TRPM3: variants seen among roughly 807,000 people sequenced by gnomAD.
The protein encoded by TRPM3 is transient receptor potential cation channel subfamily M member 3.
Under a neutral mutation model 181.2 loss-of-function variants are expected in TRPM3, and 77 were observed. That is an observed-to-expected ratio of 0.42 (90% confidence interval 0.35 to 0.51). The LOEUF (loss-of-function observed/expected upper bound fraction) is 0.51, where lower values mean the gene tolerates loss of function less well. Ranked by LOEUF, TRPM3 falls within the 20% of genes least tolerant of loss-of-function variation. TRPM3 has a pLI of 0.01. For synonymous variants in TRPM3, 745 were observed against 796.4 expected (o/e 0.94, Z 1.09); for missense variants, 1,759 against 2,196.7 (o/e 0.80, Z 3.98).
intron 1 of TRPM3, among the ~76,000 whole-genome samples, chr9:70,895,354 T>C (rs1023142029): frequency 6.6e-6 from 1 of 152,236 alleles, no homozygotes; most frequent in Non-Finnish European, 1.5e-5. Flanking sequence ...CTCTGGAAGA[T>C]AGCTTACACT....
intron 9 of TRPM3, among the ~76,000 whole-genome samples, chr9:70,644,817 T>G (rs113745703): frequency 1.3e-5 from 2 of 152,338 alleles, no homozygotes; most frequent in African/African-American, 4.8e-5. Context: ...CCCCATTGTT[T>G]CAGCCTCAAA....
intron 6 of TRPM3, among the ~76,000 whole-genome samples, 187 bp from the exon 7 acceptor site, chr9:70,784,466 C>A (rs2083147878): frequency 6.6e-6 from 1 of 152,054 alleles, no homozygotes; most frequent in South Asian, 2.1e-4. Flanking sequence ...ATTTTCCCAC[C>A]AGAAAGTCTA....
intron 1 of TRPM3, among the ~76,000 whole-genome samples, chr9:71,011,781 T>G (rs1564968185): frequency 3.0e-5 from 4 of 131,240 alleles, no homozygotes; most frequent in Admixed American, 7.9e-5. Flanking sequence ...TTTTTTTTTT[T>G]GTTTTTTTGT....
chr9:71,390,153 G>A (rs2093028647), intron 1 of TRPM3, among the ~76,000 whole-genome samples: 1 of 151,950 alleles, frequency 6.6e-6, no homozygotes, highest in African/African-American at 2.4e-5. Flanking sequence ...AGGTATCCAT[G>A]GACATCCACA....
At chr9:71,267,569 T>A (rs539119461) in intron 1 of TRPM3, among the ~76,000 whole-genome samples, 8 of 103,066 alleles carry the variant, frequency 7.8e-5, no homozygotes, top group Admixed American at 7.3e-4. Flanking sequence ...ACTCAGACTC[T>A]ACTTATCTCT....
intron 22 of TRPM3, among the ~76,000 whole-genome samples, chr9:70,588,521 T>A (rs556575618): frequency 1.7e-4 from 25 of 150,794 alleles, no homozygotes; most frequent in Non-Finnish European, 3.1e-4. Flanking sequence ...AATGAGTCAC[T>A]CTGCGAAGGT....
chr9:71,435,391 T>C (rs570576597), intron 1 of TRPM3, among the ~76,000 whole-genome samples: 2 of 152,202 alleles, frequency 1.3e-5, no homozygotes, highest in Admixed American at 1.3e-4. Context: ...CTTTATCTTG[T>C]AGGGAGTGGG....
intron 8 of TRPM3, among the ~76,000 whole-genome samples, chr9:70,753,496 A>C (rs993925462): frequency 1.3e-5 from 2 of 152,182 alleles, no homozygotes; most frequent in African/African-American, 4.8e-5. Context: ...CAGCTTTGGG[A>C]GTGGTACGAG....
At chr9:71,426,676 AT>A (rs1310974562) in intron 1 of TRPM3, among the ~76,000 whole-genome samples, 1 of 152,180 alleles carries the variant, frequency 6.6e-6, no homozygotes, top group East Asian at 1.9e-4. Flanking sequence ...GACCCCATAA[AT>A]TATACAGATG....
chr9:71,216,937 C>CTTTTTT lies in TRPM3; in HGVS notation c.183+229710_183+229715dup, dbSNP rs10536771. ...GCACAAGCATAGTCAGTGGCCCTTT[C>CTTTTTT]TTTTTTTTTTTTTTTTTTTTTTTTT... On this transcript the variant is annotated intron_variant, in intron 1 of 24. Transcript: ENST00000357533. Among the ~76,000 whole-genome samples, 307 of 73,002 alleles carry CTTTTTT rather than the reference C, an allele frequency of 4.2e-3. 16 individuals carry two copies. The highest frequency in any genetic ancestry group is 0.013 in the African/African-American group (228 of 17,346). 47.9% of individuals were successfully genotyped at this position (73,002 alleles called of 152,430 possible).
intron 25 of TRPM3, among the ~76,000 whole-genome samples, chr9:70,537,941 A>T (rs1339297775): frequency 6.6e-6 from 1 of 152,136 alleles, no homozygotes; most frequent in Non-Finnish European, 1.5e-5. Flanking sequence ...TATTCCATGG[A>T]TGGGGGTTAT....
intron 1 of TRPM3, among the ~76,000 whole-genome samples, chr9:71,179,500 T>C (rs1202136126): frequency 6.6e-6 from 1 of 152,140 alleles, no homozygotes; most frequent in Admixed American, 6.6e-5. Flanking sequence ...ATGCATACTA[T>C]GTAAAATAAA....
intron 1 of TRPM3, among the ~76,000 whole-genome samples, chr9:71,010,513 A>C (rs900558816): frequency 6.6e-6 from 1 of 152,126 alleles, no homozygotes; most frequent in Non-Finnish European, 1.5e-5. Context: ...GGTACATGAA[A>C]ACAAATGCTC....
chr9:71,195,241 A>G (rs1284733382), intron 1 of TRPM3, among the ~76,000 whole-genome samples: 1 of 152,088 alleles, frequency 6.6e-6, no homozygotes, highest in Non-Finnish European at 1.5e-5. Flanking sequence ...ATGGGAGAAC[A>G]TTTTTGCAAA....
chr9:71,338,148 G>C (rs1283352666), intron 1 of TRPM3, among the ~76,000 whole-genome samples: 18 of 151,716 alleles, frequency 1.2e-4, no homozygotes, highest in African/African-American at 4.1e-4. Context: ...AAGTCAAAAG[G>C]CTTGGTAAAA....
chr9:71,395,423 C>T (rs2093167193), intron 1 of TRPM3, among the ~76,000 whole-genome samples: 1 of 152,166 alleles, frequency 6.6e-6, no homozygotes, highest in South Asian at 2.1e-4. Flanking sequence ...AACCACAGTA[C>T]ACTACATAGG....
intron 1 of TRPM3, among the ~76,000 whole-genome samples, chr9:71,032,725 G>A (rs2057692813): frequency 6.6e-6 from 1 of 152,076 alleles, no homozygotes; most frequent in Non-Finnish European, 1.5e-5. Context: ...TCAGAATATT[G>A]TCCTTTGGTA....
chr9:70,549,758 G>C, intron 24 of TRPM3, 84 bp from the exon 25 acceptor site: 1 of 1,415,272 alleles, frequency 7.1e-7, no homozygotes, highest in Non-Finnish European at 9.4e-7. Context: ...GACATTCTCA[G>C]TATAAATCTA....
At chr9:71,088,954 C>T (rs1377540918) in intron 1 of TRPM3, among the ~76,000 whole-genome samples, 3 of 151,608 alleles carry the variant, frequency 2.0e-5, no homozygotes, top group Non-Finnish European at 2.9e-5. Flanking sequence ...GAGATAGCTT[C>T]TGATAGAAGC....
Sources: allele counts gnomAD v4.1 joint callset (sites outside exome capture counted in the v4.1 genomes callset), GRCh38; gene constraint gnomAD v4.1.1; transcripts MANE v1.5; gene names NCBI Gene and HGNC (gene_info 2026-07-23, HGNC 2026-07-21).